Variants in PHLPP1 observed in about 807,000 individuals in gnomAD.
PHLPP1 encodes PH domain leucine-rich repeat-containing protein phosphatase 1.
A neutral mutation model predicts 117.2 loss-of-function variants in PHLPP1; 42 were observed. That is an observed-to-expected ratio of 0.36 (90% CI 0.28 to 0.46). The LOEUF (loss-of-function observed/expected upper bound fraction) is 0.46, where lower values mean the gene tolerates loss of function less well. Among genes scored for constraint, PHLPP1 ranks in the 20% least tolerant of loss-of-function variants. PHLPP1 has a pLI of 1.00. For synonymous variants in PHLPP1, 1,042 were observed against 970.7 expected (o/e 1.07, Z -1.37); for missense variants, 2,084 against 2,241.9 (o/e 0.93, Z 1.42).
chr18:62,748,481 A>G (rs945463804), intron 1 of PHLPP1, among the ~76,000 whole-genome samples: 1 of 152,130 alleles, frequency 6.6e-6, no homozygotes, highest in Non-Finnish European at 1.5e-5. Flanking sequence ...TCCTGGGCTC[A>G]AGCAGTCTGC....
chr18:62,822,283 T>G lies in PHLPP1; in HGVS notation c.1577-7752T>G, dbSNP rs551541775. Among the ~76,000 whole-genome samples the G allele has an allele frequency of 3.9e-4, 55 of 141,940 alleles. 2 individuals carry two copies. In the East Asian group the frequency reaches 8.5e-3, roughly 22 times the overall value. 93.1% of individuals were successfully genotyped at this position (141,940 alleles called of 152,430 possible). On this transcript the variant is annotated intron_variant, in intron 1 of 16. Coordinates refer to ENST00000262719, the MANE Select transcript of PHLPP1 (RefSeq NM_194449.4). ...AAATAGTGTTTTTTTTTTTTTTGTT[T>G]TTGTTTTTTTTTTTTTGAGACAGAG...
In PHLPP1 at chr18:62,778,617, A is replaced by G. The variant is rs1392342124; in HGVS notation, c.1577-51418A>G. 2.0e-5 allele frequency among the ~76,000 whole-genome samples: 3 copies of G among 152,196 alleles called. No individual in the cohort carries two copies. In the South Asian group the frequency reaches 6.2e-4, roughly 32 times the overall value. On this transcript the variant is annotated intron_variant, in intron 1 of 16. Transcript: ENST00000262719. The stretch of plus-strand genomic sequence containing the variant: ...CATAGCTATTTAAGTGTAAGATTAC[A>G]TATTTTTAGAAATAATACAAGCGTG...
chr18:62,914,813 T>A, intron 8 of PHLPP1, 100 bp from the exon 9 acceptor site: 1 of 764,774 alleles, frequency 1.3e-6, no homozygotes, highest in Non-Finnish European at 2.2e-6. Flanking sequence ...GGTACTTTGG[T>A]ATTTTATTTG....
chr18:62,802,431 A>G (rs1913814674), intron 1 of PHLPP1, among the ~76,000 whole-genome samples: 2 of 152,198 alleles, frequency 1.3e-5, no homozygotes, highest in South Asian at 4.1e-4. Context: ...CACCCTCCCA[A>G]GCAGAATAAT....
In PHLPP1 at chr18:62,726,317, C is replaced by A. The variant is rs1207031076; in HGVS notation, c.1576+9058C>A. 2.0e-5 allele frequency among the ~76,000 whole-genome samples: 3 copies of A among 150,330 alleles called. No individual in the cohort carries two copies. The East Asian group carries it at 5.8e-4, about 29-fold the overall frequency. ...CATTGTGACTTGTTCATATCCCTTG[C>A]CTGCTTTTTTTTTTTGGGGGGGTTG... is the stretch of plus-strand genomic sequence containing the variant. On this transcript the variant is annotated intron_variant, in intron 1 of 16. Coordinates refer to ENST00000262719, the MANE Select transcript of PHLPP1 (RefSeq NM_194449.4).
intron 4 of PHLPP1, among the ~76,000 whole-genome samples, chr18:62,885,980 T>C (rs1453927845): frequency 2.0e-5 from 3 of 152,210 alleles, no homozygotes; most frequent in Admixed American, 6.5e-5. Context: ...TTGTGTGCTG[T>C]TCTGTCTCTG....
intron 4 of PHLPP1, among the ~76,000 whole-genome samples, chr18:62,892,951 G>A (rs2144396479): frequency 6.6e-6 from 1 of 151,852 alleles, no homozygotes; most frequent in African/African-American, 2.4e-5. Context: ...GGTCCCCCAA[G>A]CATGCTTTTA....
At chr18:62,747,365 A>G (rs1288761528) in intron 1 of PHLPP1, among the ~76,000 whole-genome samples, 1 of 138,340 alleles carries the variant, frequency 7.2e-6, no homozygotes, top group Non-Finnish European at 1.5e-5. Context: ...GCTCACTGCA[A>G]CCTCCACCTC....
chr18:62,765,006 A>G (rs1912418982), intron 1 of PHLPP1, among the ~76,000 whole-genome samples: 1 of 152,140 alleles, frequency 6.6e-6, no homozygotes, highest in African/African-American at 2.4e-5. Context: ...TTTTAAATGC[A>G]TGTATTTCTC....
intron 1 of PHLPP1, among the ~76,000 whole-genome samples, chr18:62,805,257 A>G (rs1913913512): frequency 1.4e-5 from 2 of 142,266 alleles, no homozygotes; most frequent in African/African-American, 2.6e-5. Context: ...AGTGTAATAT[A>G]CACTGCATAG....
chr18:62,855,963 A>G (rs1275167429), intron 3 of PHLPP1, among the ~76,000 whole-genome samples: 4 of 152,212 alleles, frequency 2.6e-5, no homozygotes, highest in African/African-American at 9.6e-5. Context: ...ATCAGTGAAC[A>G]AAATAGAAAA....
rs140365112 is a variant in PHLPP1, at chr18:62,715,656, T to TGG, written c.-22_-21dup. 2 of 1,261,132 alleles carry TGG rather than the reference T, an allele frequency of 1.6e-6. No individual in the cohort carries two copies. Among genetic ancestry groups the TGG allele is most frequent in the South Asian group, 3.0e-5 (1 of 32,858 alleles). The allele number at this position is 1,261,132 out of a possible 1,614,324, so 78.1% of individuals were successfully genotyped here. A position where few individuals can be genotyped will look rare whatever the true frequency, so the allele number is the denominator to read the frequency against. ...CCTCTCCGCCCGCTGCCTCCGGAGC[T>TGG]GGGGGGGAAACGCGAAGCCCCACTG... On this transcript the variant is annotated 5_prime_UTR_variant, in exon 1 of 17. Coordinates refer to ENST00000262719, the MANE Select transcript of PHLPP1 (RefSeq NM_194449.4).
At chr18:62,791,586 A>T (rs1913458968) in intron 1 of PHLPP1, among the ~76,000 whole-genome samples, 1 of 152,204 alleles carries the variant, frequency 6.6e-6, no homozygotes, top group African/African-American at 2.4e-5. Context: ...CTTTTGCTGC[A>T]TCATTGAATG....
chr18:62,813,341 T>C (rs1914177665), intron 1 of PHLPP1, among the ~76,000 whole-genome samples: 1 of 152,124 alleles, frequency 6.6e-6, no homozygotes, highest in Admixed American at 6.5e-5. Context: ...TGAAGAATAA[T>C]TGTGATCTGT....
At chr18:62,741,562 A>G (rs1349985549) in intron 1 of PHLPP1, among the ~76,000 whole-genome samples, 3 of 152,100 alleles carry the variant, frequency 2.0e-5, no homozygotes, top group African/African-American at 7.2e-5. Flanking sequence ...TTTCTTGCAA[A>G]TACTTCTTGA....
chr18:62,854,268 C>T (rs1328279070), intron 3 of PHLPP1, among the ~76,000 whole-genome samples: 1 of 152,194 alleles, frequency 6.6e-6, no homozygotes, highest in East Asian at 1.9e-4. Flanking sequence ...TCTATATATG[C>T]CTGTTTCACT....
chr18:62,949,632 G>A (rs762036975), intron 12 of PHLPP1, among the ~76,000 whole-genome samples: 11 of 152,104 alleles, frequency 7.2e-5, no homozygotes, highest in Non-Finnish European at 1.2e-4. Context: ...TAGCCCTTTC[G>A]CATTGATCTT....
chr18:62,819,974 C>T (rs746144850), intron 1 of PHLPP1, among the ~76,000 whole-genome samples: 19 of 152,038 alleles, frequency 1.2e-4, no homozygotes, highest in Middle Eastern at 3.4e-3. Flanking sequence ...ATATAAAGAC[C>T]ATATAGGTTC....
intron 4 of PHLPP1, among the ~76,000 whole-genome samples, chr18:62,863,568 G>A (rs1276867941): frequency 6.6e-6 from 1 of 152,148 alleles, no homozygotes. Context: ...AGTGTTCTGG[G>A]AAAGGGGTAG....
Sources: allele counts gnomAD v4.1 joint callset (sites outside exome capture counted in the v4.1 genomes callset), GRCh38; gene constraint gnomAD v4.1.1; transcripts MANE v1.5; gene names NCBI Gene and HGNC (gene_info 2026-07-23, HGNC 2026-07-21).